The following TRIM55 variants were observed in gnomAD, a reference collection of about 807,000 sequenced individuals.
TRIM55 encodes the protein tripartite motif containing 55.
Under a neutral mutation model 60.9 loss-of-function variants are expected in TRIM55, and 50 were observed. The ratio of observed to expected loss-of-function variants is 0.82; its 90% CI spans 0.65 to 1.04. The LOEUF (loss-of-function observed/expected upper bound fraction) is 1.04. TRIM55 is among the 50% of genes least tolerant of loss of function. The pLI, the probability that TRIM55 is intolerant of heterozygous loss-of-function variation, is 0.00. For synonymous variants in TRIM55, 237 were observed against 238.1 expected, an observed-to-expected ratio of 1.00 and a Z score of 0.04; for missense variants, 681 against 666.9, an observed-to-expected ratio of 1.02 and a Z score of -0.23.
At chr8:66,174,341 TATAATA>T in intron 9 of TRIM55, 124 bp from the exon 10 acceptor site, 1 of 657,944 alleles carries the variant, frequency 1.5e-6, no homozygotes, top group Non-Finnish European at 2.1e-6. Context: ...TTATGTGCCA[TATAATA>T]ATATTGTTAT....
intron 4 of TRIM55, among the ~76,000 whole-genome samples, chr8:66,139,401 C>A (rs916119582): frequency 5.3e-5 from 8 of 152,150 alleles, no homozygotes; most frequent in Non-Finnish European, 1.0e-4. Flanking sequence ...ATGATTAGGG[C>A]TCCCTTTAGC....
chr8:66,168,048 C>G (rs968278598), intron 9 of TRIM55, among the ~76,000 whole-genome samples: 7 of 152,160 alleles, frequency 4.6e-5, no homozygotes, highest in African/African-American at 1.7e-4. Flanking sequence ...TCATGCCTGG[C>G]CAAAAAATGC....
At chr8:66,124,832 G>T (rs1808759834), upstream of TRIM55, among the ~76,000 whole-genome samples, 2 of 152,164 alleles carry the variant, frequency 1.3e-5, no homozygotes, top group Non-Finnish European at 2.9e-5. Flanking sequence ...ATTTTACCCT[G>T]ACAGTGTAAA....
At chr8:66,157,407 C>T (rs1401664912) in intron 9 of TRIM55, among the ~76,000 whole-genome samples, 1 of 152,188 alleles carries the variant, frequency 6.6e-6, no homozygotes, top group Non-Finnish European at 1.5e-5. Context: ...TAGCAAATTC[C>T]CGGCCTCTGA....
intron 4 of TRIM55, among the ~76,000 whole-genome samples, chr8:66,138,364 TA>T (rs1282638841): frequency 1.3e-5 from 2 of 152,200 alleles, no homozygotes; most frequent in Non-Finnish European, 2.9e-5. Context: ...TCTTACTTTT[TA>T]AAAAACTAAG....
intron 9 of TRIM55, among the ~76,000 whole-genome samples, chr8:66,154,917 C>T (rs1485876632): frequency 2.0e-5 from 3 of 152,224 alleles, no homozygotes; most frequent in African/African-American, 7.2e-5. Context: ...AGCACAGGTG[C>T]TCCTCCACAG....
chr8:66,150,519 C>T (rs1026755593), intron 7 of TRIM55, 53 bp downstream of exon 7: 21 of 1,606,456 alleles, frequency 1.3e-5, no homozygotes, highest in African/African-American at 4.0e-5. Context: ...TGAAAGCTGC[C>T]GAAGAGTTGG....
chr8:66,119,319 C>A, the TRIM55 span, among the ~76,000 whole-genome samples: 1 of 152,230 alleles, frequency 6.6e-6, no homozygotes, highest in Non-Finnish European at 1.5e-5. Context: ...ATCAGGACTG[C>A]ACTCTCTCTG....
the TRIM55 span, among the ~76,000 whole-genome samples, chr8:66,113,849 G>T: frequency 1.3e-5 from 2 of 152,194 alleles, no homozygotes; most frequent in African/African-American, 4.8e-5. Context: ...GTGAGGAGGT[G>T]GGGGGTCCGC....
the TRIM55 span, among the ~76,000 whole-genome samples, chr8:66,120,726 C>A: frequency 6.6e-6 from 1 of 152,168 alleles, no homozygotes; most frequent in Non-Finnish European, 1.5e-5. Context: ...TTTGGGACAC[C>A]CTGCAACCTT....
chr8:66,118,387 C>G, the TRIM55 span, among the ~76,000 whole-genome samples: 1 of 151,852 alleles, frequency 6.6e-6, no homozygotes, highest in Admixed American at 6.6e-5. Flanking sequence ...TAGTGCTTTT[C>G]AAGTTCATTT....
chr8:66,160,005 A>AT (rs1810958645), intron 9 of TRIM55, among the ~76,000 whole-genome samples: 1 of 151,498 alleles, frequency 6.6e-6, no homozygotes, highest in Admixed American at 6.6e-5. Context: ...TTAATTTTTT[A>AT]TTTTTTTATT....
At chr8:66,150,027 T>G in intron 5 of TRIM55, 149 bp downstream of exon 5, 1 of 918,882 alleles carries the variant, frequency 1.1e-6, no homozygotes, top group Non-Finnish European at 1.6e-6. Flanking sequence ...ATTAATCTAT[T>G]TAAACAACTT....
chr8:66,133,340 A>G (rs1476696709), intron 2 of TRIM55, among the ~76,000 whole-genome samples: 1 of 152,082 alleles, frequency 6.6e-6, no homozygotes, highest in Non-Finnish European at 1.5e-5. Context: ...TGTGCAACAA[A>G]TATTTATGGA....
chr8:66,125,871 T>C (rs1434689735), upstream of TRIM55, among the ~76,000 whole-genome samples: 1 of 152,182 alleles, frequency 6.6e-6, no homozygotes, highest in African/African-American at 2.4e-5. Flanking sequence ...TAACAAAATG[T>C]GTTTATTGCC....
intron 4 of TRIM55, 80 bp downstream of exon 4, chr8:66,137,270 A>G (rs1217479568): frequency 2.0e-6 from 2 of 1,020,026 alleles, no homozygotes; most frequent in Non-Finnish European, 3.0e-6. Flanking sequence ...GCCACACTAG[A>G]CATCCCTATT....
chr8:66,147,012 C>G (rs1810129135), intron 4 of TRIM55, among the ~76,000 whole-genome samples: 1 of 151,856 alleles, frequency 6.6e-6, no homozygotes, highest in Non-Finnish European at 1.5e-5. Flanking sequence ...TTTCTGGCTC[C>G]CCTCAAAGTT....
intron 9 of TRIM55, among the ~76,000 whole-genome samples, chr8:66,172,837 C>T (rs907684938): frequency 6.6e-6 from 1 of 152,170 alleles, no homozygotes; most frequent in Non-Finnish European, 1.5e-5. Flanking sequence ...TTCATCCAGG[C>T]GGAATTCGCT....
chr8:66,123,814 C>T (rs372768406), upstream of TRIM55, among the ~76,000 whole-genome samples: 9 of 152,174 alleles, frequency 5.9e-5, no homozygotes, highest in East Asian at 3.8e-4. Context: ...GCTATGATTG[C>T]GCCACTGCAC....
Sources: gnomAD v4.1 joint callset for allele counts (sites outside exome capture counted in the v4.1 genomes callset) on GRCh38, gnomAD v4.1.1 for gene constraint, MANE v1.5 for transcripts, NCBI Gene and HGNC (gene_info 2026-07-23, HGNC 2026-07-21) for gene names.